WLS: variants seen among roughly 807,000 people sequenced by gnomAD.
The protein encoded by WLS is protein wntless homolog.
In WLS, 23 loss-of-function variants were observed where a neutral mutation model predicts 62.8. That is an observed-to-expected ratio of 0.37 (90% confidence interval 0.26 to 0.52). WLS has a LOEUF of 0.52. WLS is among the 20% of genes least tolerant of loss of function. The probability of loss-of-function intolerance (pLI) is 0.92; values close to 1 mark genes in which losing one functional copy is unlikely to be tolerated. For synonymous variants in WLS, 246 were observed against 244.1 expected, an observed-to-expected ratio of 1.01 and a Z score of -0.07; for missense variants, 615 against 697.3, an observed-to-expected ratio of 0.88 and a Z score of 1.33.
chr1:68,134,104 G>C (rs1298822877), intron 11 of WLS, among the ~76,000 whole-genome samples: 1 of 152,220 alleles, frequency 6.6e-6, no homozygotes, highest in Admixed American at 6.5e-5. Context: ...ATGCCATCCA[G>C]AGACTCAGAG....
chr1:68,208,354 G>GC (rs139877906), intron 1 of WLS, among the ~76,000 whole-genome samples: 6,431 of 152,066 alleles, frequency 0.042, 162 homozygotes, highest in Non-Finnish European at 0.044. Context: ...CCCCTCACCT[G>GC]CCCCCCGATG....
At chr1:68,128,991 G>C (rs559559472) in intron 11 of WLS, among the ~76,000 whole-genome samples, 4 of 152,262 alleles carry the variant, frequency 2.6e-5, no homozygotes, top group South Asian at 2.1e-4. Context: ...GAGACTGCCA[G>C]TGAGGTATGA....
intron 1 of WLS, among the ~76,000 whole-genome samples, chr1:68,217,790 G>A (rs557600742): frequency 1.3e-5 from 2 of 152,126 alleles, no homozygotes; most frequent in African/African-American, 2.4e-5. Context: ...TGACAAGGTG[G>A]TCAGGAGGAA....
Position 68,152,594 on chromosome 1 carries a change from T to C in WLS, c.803+923A>G, listed in dbSNP as rs1388134617. Among the ~76,000 whole-genome samples the C allele has an allele frequency of 4.6e-5, 7 of 152,182 alleles. No homozygotes were observed. The East Asian group carries it at 1.2e-3, about 25-fold the overall frequency. On this transcript the variant is annotated intron_variant, in intron 5 of 11. Transcript: ENST00000262348. ...GGATTTGGACTATGAAGGTTGTTGG[T>C]GATCCCGTGAAAAGCAGTTTTAGTA... is the stretch of plus-strand genomic sequence containing the variant.
intron 2 of WLS, among the ~76,000 whole-genome samples, chr1:68,189,216 T>C (rs1246818799): frequency 2.0e-5 from 3 of 152,130 alleles, no homozygotes; most frequent in African/African-American, 7.2e-5. Flanking sequence ...AAGTCATCCT[T>C]ATTTTCTCTC....
chr1:68,232,076 G>T, intron 1 of WLS, 118 bp downstream of exon 1: 1 of 1,366,732 alleles, frequency 7.3e-7, no homozygotes, highest in Non-Finnish European at 1.0e-6. Flanking sequence ...CACAATAGCC[G>T]GACTAATTAG....
chr1:68,225,802 ATTCT>A (rs1326337726), intron 1 of WLS, among the ~76,000 whole-genome samples: 1 of 152,088 alleles, frequency 6.6e-6, no homozygotes, highest in Non-Finnish European at 1.5e-5. Flanking sequence ...ACCTCCACTG[ATTCT>A]TTCTTTCCTC....
intron 11 of WLS, among the ~76,000 whole-genome samples, chr1:68,099,107 A>C (rs1347422360): frequency 1.3e-5 from 2 of 152,206 alleles, no homozygotes; most frequent in Admixed American, 6.5e-5. Flanking sequence ...TTTCTCTCCC[A>C]AATCCTGTGA....
chr1:68,109,387 C>A (rs556754743), intron 11 of WLS, among the ~76,000 whole-genome samples: 1 of 152,148 alleles, frequency 6.6e-6, no homozygotes, highest in South Asian at 2.1e-4. Context: ...ATCAAACACA[C>A]AAGAAAGCAA....
intron 10 of WLS, among the ~76,000 whole-genome samples, chr1:68,139,852 G>C (rs1052456460): frequency 1.3e-5 from 2 of 152,224 alleles, no homozygotes; most frequent in African/African-American, 4.8e-5. Flanking sequence ...ACTCTTAAAA[G>C]TACTTGATTG....
At chr1:68,170,160 C>CTTTTTTTT (rs571306573) in intron 2 of WLS, among the ~76,000 whole-genome samples, 38 of 86,754 alleles carry the variant, frequency 4.4e-4, no homozygotes, top group East Asian at 7.2e-4. Flanking sequence ...GCTACTATTT[C>CTTTTTTTT]TTTTTTTTTT....
At chr1:68,161,965 A>C (rs1194639132) in intron 2 of WLS, 7 of 1,609,106 alleles carry the variant, frequency 4.4e-6, no homozygotes, top group Non-Finnish European at 5.1e-6. Context: ...CTCAGGATGA[A>C]TTGCTTGCTG....
At chr1:68,159,293 T>C (rs1474712532) in intron 2 of WLS, 46 bp from the exon 3 acceptor site, 1 of 1,592,142 alleles carries the variant, frequency 6.3e-7, no homozygotes, top group South Asian at 1.1e-5. Context: ...TTTGGAAAGA[T>C]ATTTTAGAAA....
chr1:68,209,215 G>A (rs1649408014), intron 1 of WLS, among the ~76,000 whole-genome samples: 1 of 152,142 alleles, frequency 6.6e-6, no homozygotes, highest in Non-Finnish European at 1.5e-5. Flanking sequence ...ACTGCTTCTG[G>A]TGGAGAACCT....
chr1:68,144,474 C>A, intron 10 of WLS, 95 bp downstream of exon 10: 1 of 1,248,876 alleles, frequency 8.0e-7, no homozygotes, highest in Non-Finnish European at 1.1e-6. Flanking sequence ...TATGGCCTCT[C>A]TCCTCCTTTC....
intron 2 of WLS, among the ~76,000 whole-genome samples, chr1:68,183,894 G>A (rs1301938703): frequency 6.6e-6 from 1 of 151,900 alleles, no homozygotes; most frequent in Non-Finnish European, 1.5e-5. Flanking sequence ...AAAATCACTT[G>A]CCACTTATAG....
At chr1:68,193,738 C>G (rs1422214901) in intron 2 of WLS, 2 of 563,234 alleles carry the variant, frequency 3.6e-6, no homozygotes, top group African/African-American at 3.8e-5. Flanking sequence ...CCAAGTGTTC[C>G]ATCTGTAAAA....
At chr1:68,185,540 T>C (rs1177907466) in intron 2 of WLS, among the ~76,000 whole-genome samples, 1 of 152,194 alleles carries the variant, frequency 6.6e-6, no homozygotes, top group Non-Finnish European at 1.5e-5. Context: ...GCTGGCATTA[T>C]ATTCTCATAG....
chr1:68,165,691 G>A (rs1178539784), intron 2 of WLS, among the ~76,000 whole-genome samples: 3 of 152,154 alleles, frequency 2.0e-5, no homozygotes, highest in African/African-American at 4.8e-5. Flanking sequence ...GGGGAGAAAA[G>A]GGGTGTAGGG....
Sources: allele counts gnomAD v4.1 joint callset (sites outside exome capture counted in the v4.1 genomes callset), GRCh38; gene constraint gnomAD v4.1.1; transcripts MANE v1.5; gene names NCBI Gene and HGNC (gene_info 2026-07-23, HGNC 2026-07-21).